LSAMP: variants seen among roughly 807,000 people sequenced by gnomAD.
LSAMP encodes the protein limbic system-associated membrane protein.
Under a neutral mutation model 38.6 loss-of-function variants are expected in LSAMP, and 7 were observed. The observed-to-expected ratio is 0.18, with a 90% CI of 0.10 to 0.34. The LOEUF (loss-of-function observed/expected upper bound fraction) is 0.34, where lower values mean the gene tolerates loss of function less well. Ranked by LOEUF, LSAMP falls within the 10% of genes least tolerant of loss-of-function variation. The pLI, the probability that LSAMP is intolerant of heterozygous loss-of-function variation, is 1.00. For synonymous variants in LSAMP, 154 were observed against 166.8 expected (o/e 0.92, Z 0.59); for missense variants, 313 against 420.0 (o/e 0.75, Z 2.23).
At chr3:116,273,362 A>G (rs1024513803) in intron 1 of LSAMP, among the ~76,000 whole-genome samples, 1 of 152,020 alleles carries the variant, frequency 6.6e-6, no homozygotes, top group Non-Finnish European at 1.5e-5. Context: ...CCATCTTAAT[A>G]GAAAACTGAG....
intron 2 of LSAMP, among the ~76,000 whole-genome samples, chr3:116,035,220 T>C (rs1049593642): frequency 1.3e-5 from 2 of 152,186 alleles, no homozygotes; most frequent in African/African-American, 4.8e-5. Flanking sequence ...ATAACATGTT[T>C]GGGATTAAGA....
intron 1 of LSAMP, among the ~76,000 whole-genome samples, chr3:116,309,661 A>G (rs1389217860): frequency 6.6e-6 from 1 of 152,108 alleles, no homozygotes; most frequent in Non-Finnish European, 1.5e-5. Context: ...TTACTTCATG[A>G]TGTGAAAGAC....
At chr3:116,393,443 T>A (rs1054773545) in intron 1 of LSAMP, among the ~76,000 whole-genome samples, 2 of 152,226 alleles carry the variant, frequency 1.3e-5, no homozygotes, top group Non-Finnish European at 2.9e-5. Flanking sequence ...CCAGTGCATC[T>A]GACAGTGCAC....
chr3:116,436,828 G>T (rs183005178), intron 1 of LSAMP, among the ~76,000 whole-genome samples: 23 of 152,142 alleles, frequency 1.5e-4, no homozygotes, highest in Admixed American at 3.3e-4. Context: ...CCCATTACTG[G>T]ATATCTGCCC....
chr3:116,066,734 C>T (rs1707450541), intron 2 of LSAMP, among the ~76,000 whole-genome samples: 1 of 152,160 alleles, frequency 6.6e-6, no homozygotes, highest in African/African-American at 2.4e-5. Flanking sequence ...TTCTCAACCA[C>T]CTCTAAGTTC....
chr3:116,032,132 C>T (rs942979384), intron 2 of LSAMP, among the ~76,000 whole-genome samples: 1 of 151,902 alleles, frequency 6.6e-6, no homozygotes, highest in Non-Finnish European at 1.5e-5. Flanking sequence ...TCCTTTTTAT[C>T]TTTGTTTGCC....
At chr3:116,289,807 T>TTA (rs1458760104) in intron 1 of LSAMP, among the ~76,000 whole-genome samples, 1 of 152,194 alleles carries the variant, frequency 6.6e-6, no homozygotes, top group Non-Finnish European at 1.5e-5. Flanking sequence ...CTCGATATGC[T>TTA]TATCAGTTTG....
At chr3:116,358,521 A>T (rs1453986779) in intron 1 of LSAMP, among the ~76,000 whole-genome samples, 1 of 152,164 alleles carries the variant, frequency 6.6e-6, no homozygotes, top group Admixed American at 6.5e-5. Context: ...TGGACGGAAG[A>T]AAAGCTTTGT....
At chr3:115,955,955 T>G (rs1020586624) in intron 3 of LSAMP, among the ~76,000 whole-genome samples, 1 of 152,118 alleles carries the variant, frequency 6.6e-6, no homozygotes, top group African/African-American at 2.4e-5. Context: ...GGCATTTTTT[T>G]AAAAGAGTTT....
At chr3:116,067,360 CA>C (rs952047056) in intron 2 of LSAMP, among the ~76,000 whole-genome samples, 5 of 152,170 alleles carry the variant, frequency 3.3e-5, no homozygotes, top group Admixed American at 1.3e-4. Flanking sequence ...CTAAAATTCT[CA>C]TTTTACTCAA....
intron 3 of LSAMP, among the ~76,000 whole-genome samples, chr3:115,923,506 T>C (rs2107526887): frequency 6.6e-6 from 1 of 152,364 alleles, no homozygotes; most frequent in South Asian, 2.1e-4. Flanking sequence ...AGACAAGGAC[T>C]GGTACTTCCT....
chr3:116,244,202 G>A (rs1453417286), intron 1 of LSAMP, among the ~76,000 whole-genome samples: 1 of 152,128 alleles, frequency 6.6e-6, no homozygotes, highest in Non-Finnish European at 1.5e-5. Context: ...GCTATCCTGA[G>A]TCTTAAGTCC....
chr3:115,956,145 C>T (rs1430027108), intron 3 of LSAMP, among the ~76,000 whole-genome samples: 2 of 151,860 alleles, frequency 1.3e-5, no homozygotes, highest in Non-Finnish European at 2.9e-5. Context: ...TGTGCTCTCC[C>T]ATGATTATTA....
At chr3:116,403,494 G>GA (rs542504536) in intron 1 of LSAMP, among the ~76,000 whole-genome samples, 37 of 146,270 alleles carry the variant, frequency 2.5e-4, no homozygotes, top group East Asian at 6.0e-4. Context: ...TTCTTAAAAA[G>GA]AAAAAAAAAA....
chr3:115,887,855 T>A (rs756784852), intron 3 of LSAMP, among the ~76,000 whole-genome samples: 7 of 151,882 alleles, frequency 4.6e-5, no homozygotes, highest in Non-Finnish European at 8.8e-5. Context: ...GAGAGCATAA[T>A]CCCACTTAAA....
chr3:116,012,162 G>A (rs1415183900), intron 3 of LSAMP, among the ~76,000 whole-genome samples: 3 of 152,196 alleles, frequency 2.0e-5, no homozygotes, highest in Non-Finnish European at 4.4e-5. Flanking sequence ...CACTCACTGT[G>A]ATGAATTTTA....
chr3:116,336,340 G>C (rs57286110), intron 1 of LSAMP, among the ~76,000 whole-genome samples: 1,576 of 152,088 alleles, frequency 0.01, 32 homozygotes, highest in African/African-American at 0.037. Flanking sequence ...CAGAATGGTA[G>C]AAAATACTTG....
At chr3:116,170,283 A>C (rs184041743) in intron 1 of LSAMP, among the ~76,000 whole-genome samples, 1 of 152,318 alleles carries the variant, frequency 6.6e-6, no homozygotes, top group East Asian at 1.9e-4. Context: ...TTATAAGCCA[A>C]TCGGAGGAAG....
chr3:115,939,932 C>T (rs1336213131), intron 3 of LSAMP, among the ~76,000 whole-genome samples: 1 of 152,098 alleles, frequency 6.6e-6, no homozygotes, highest in African/African-American at 2.4e-5. Flanking sequence ...AATGAAGCCA[C>T]GGACCCTCAC....
Sources: gnomAD v4.1 joint callset for allele counts (sites outside exome capture counted in the v4.1 genomes callset) on GRCh38, gnomAD v4.1.1 for gene constraint, MANE v1.5 for transcripts, NCBI Gene and HGNC (gene_info 2026-07-23, HGNC 2026-07-21) for gene names.